Variants in PDSS2 observed in about 807,000 individuals in gnomAD.
The protein encoded by PDSS2 is decaprenyl diphosphate synthase subunit 2, also known as all trans-polyprenyl-diphosphate synthase PDSS2.
In PDSS2, 31 loss-of-function variants were observed where a neutral mutation model predicts 44.5. The ratio of observed to expected loss-of-function variants is 0.70; its 90% confidence interval spans 0.52 to 0.94. PDSS2 has a LOEUF of 0.94. PDSS2 is among the 40% of genes least tolerant of loss of function. PDSS2 has a pLI of 0.00. For missense variants in PDSS2, 452 were observed against 482.2 expected, an observed-to-expected ratio of 0.94 and a Z score of 0.59; for synonymous variants, 157 against 180.3, an observed-to-expected ratio of 0.87 and a Z score of 1.03.
At chr6:107,179,374 G>A (rs1424156853) in intron 7 of PDSS2, among the ~76,000 whole-genome samples, 2 of 151,860 alleles carry the variant, frequency 1.3e-5, no homozygotes, top group South Asian at 2.1e-4. Context: ...TCTGCCTCCC[G>A]GGTTCAAGCG....
intron 3 of PDSS2, among the ~76,000 whole-genome samples, chr6:107,255,437 T>C (rs570096085): frequency 1.6e-4 from 24 of 151,712 alleles, no homozygotes; most frequent in Non-Finnish European, 2.8e-4. Context: ...GGTGATCCAC[T>C]GGCCTCAGCC....
At chr6:107,213,379 G>A (rs1328573104) in intron 4 of PDSS2, among the ~76,000 whole-genome samples, 2 of 151,214 alleles carry the variant, frequency 1.3e-5, no homozygotes, top group Admixed American at 6.6e-5. Flanking sequence ...TGAACTCCTG[G>A]TCTCAGGTAA....
rs1336201108 is a variant in PDSS2 at position 107,154,553 on chromosome 6, G to A, written c.*66C>T. On this transcript the variant is annotated 3_prime_UTR_variant, in exon 8 of 8. Transcript: ENST00000369037. Reference sequence around the variant, plus strand: ...AAAGTCATTAACGCATCGTGAAAGCGCTCCCAATCAACCTCATTCCCTAGG... The same window carrying A: ...AAAGTCATTAACGCATCGTGAAAGCACTCCCAATCAACCTCATTCCCTAGG... 8.3e-6 allele frequency: 12 copies of A among 1,449,282 alleles called. No homozygotes were observed. The highest frequency in any genetic ancestry group is 4.2e-5 in the African/African-American group (3 of 71,698). 89.8% of individuals were successfully genotyped at this position (1,449,282 alleles called of 1,614,324 possible).
At chr6:107,338,275 TTTTCTCAGTGC>T (rs1412716390) in intron 1 of PDSS2, among the ~76,000 whole-genome samples, 11 of 152,204 alleles carry the variant, frequency 7.2e-5, no homozygotes, top group Admixed American at 5.9e-4. Context: ...CACTCTAATT[TTTTCTCAGTGC>T]TTCTCTTAAG....
intron 1 of PDSS2, among the ~76,000 whole-genome samples, chr6:107,337,830 C>A (rs1273500046): frequency 6.6e-6 from 1 of 152,124 alleles, no homozygotes; most frequent in East Asian, 1.9e-4. Flanking sequence ...ACCCCCTAAT[C>A]ATTATTATCA....
rs58991885 is a variant in PDSS2 at position 107,310,284 on chromosome 6, CAA to C, written c.431+23912_431+23913del. On this transcript the variant is annotated intron_variant, in intron 2 of 7. Coordinates refer to ENST00000369037, the MANE Select transcript of PDSS2 (RefSeq NM_020381.4). ...TGGGCGACAGAGCAAGACTCCATCC[CAA>C]AAAAAAAAAAAAAAAAAAAGAGAAA... Among the ~76,000 whole-genome samples, 98 of 90,242 alleles carry C rather than the reference CAA, an allele frequency of 1.1e-3. 1 individual carries two copies. The highest frequency in any genetic ancestry group is 1.8e-3 in the Admixed American group (14 of 7,914). 59.2% of individuals were successfully genotyped at this position (90,242 alleles called of 152,430 possible).
At chr6:107,285,412 A>C (rs1228917532) in intron 2 of PDSS2, among the ~76,000 whole-genome samples, 3 of 152,136 alleles carry the variant, frequency 2.0e-5, no homozygotes, top group Admixed American at 1.3e-4. Flanking sequence ...TGGGAGGCTG[A>C]GGCAGGAGGA....
chr6:107,370,379 C>G (rs1055999176), intron 1 of PDSS2, among the ~76,000 whole-genome samples: 1 of 152,078 alleles, frequency 6.6e-6, no homozygotes, highest in African/African-American at 2.4e-5. Context: ...AAAGTGATCC[C>G]AATTTGAAGA....
intron 7 of PDSS2, among the ~76,000 whole-genome samples, chr6:107,188,392 A>T (rs1038138386): frequency 2.0e-5 from 3 of 150,570 alleles, no homozygotes; most frequent in East Asian, 3.9e-4. Context: ...AAAAAAAAAA[A>T]TTTAAATTTA....
chr6:107,185,664 G>A (rs1435987943), intron 7 of PDSS2, among the ~76,000 whole-genome samples: 1 of 152,128 alleles, frequency 6.6e-6, no homozygotes, highest in Non-Finnish European at 1.5e-5. Flanking sequence ...CAACATATTC[G>A]TTTTCTTTTA....
At chr6:107,262,938 A>C (rs1372065789) in intron 3 of PDSS2, among the ~76,000 whole-genome samples, 5 of 152,096 alleles carry the variant, frequency 3.3e-5, no homozygotes, top group African/African-American at 9.6e-5. Context: ...TATTACAAAA[A>C]ATAAAGAAAT....
intron 1 of PDSS2, among the ~76,000 whole-genome samples, chr6:107,363,245 T>C (rs1174713402): frequency 2.0e-5 from 3 of 152,234 alleles, no homozygotes; most frequent in African/African-American, 7.2e-5. Flanking sequence ...AGACAAACTG[T>C]TGAAGGATAA....
At position 107,215,398 on chromosome 6, in the gene PDSS2, A is replaced by T. The variant is rs189785160; in HGVS notation, c.703-3116T>A. ...CGCAGTGAGAACCCTAACTCTAAAA[A>T]ATAAAAAAATAGCAACTGATGTGTA... On this transcript the variant is annotated intron_variant, in intron 4 of 7. Coordinates refer to ENST00000369037, the MANE Select transcript of PDSS2 (RefSeq NM_020381.4). Among the ~76,000 whole-genome samples, 115 of 152,286 alleles carry T rather than the reference A, an allele frequency of 7.6e-4. 2 individuals are homozygous for T. The East Asian group carries it at 0.017, about 23-fold the overall frequency.
intron 1 of PDSS2, among the ~76,000 whole-genome samples, chr6:107,363,136 G>C (rs1041352186): frequency 6.6e-5 from 10 of 152,150 alleles, no homozygotes; most frequent in African/African-American, 2.4e-4. Context: ...AATGGGCAAA[G>C]ACTTACCAAA....
intron 2 of PDSS2, among the ~76,000 whole-genome samples, chr6:107,291,145 T>C (rs1007008020): frequency 6.6e-6 from 1 of 152,152 alleles, no homozygotes; most frequent in Non-Finnish European, 1.5e-5. Flanking sequence ...TTTTTATAAG[T>C]AGACTTAAAG....
At chr6:107,279,567 G>T (rs759426568) in intron 2 of PDSS2, among the ~76,000 whole-genome samples, 2 of 152,114 alleles carry the variant, frequency 1.3e-5, no homozygotes, top group African/African-American at 4.8e-5. Context: ...AATCAGACCC[G>T]TGGTCTTCTT....
At chr6:107,191,947 T>C (rs1009394187) in intron 7 of PDSS2, among the ~76,000 whole-genome samples, 1 of 152,092 alleles carries the variant, frequency 6.6e-6, no homozygotes, top group Non-Finnish European at 1.5e-5. Flanking sequence ...GCTTCTCTGG[T>C]GTGGGATGCT....
intron 2 of PDSS2, among the ~76,000 whole-genome samples, chr6:107,330,210 G>A (rs1777670460): frequency 6.6e-6 from 1 of 152,060 alleles, no homozygotes; most frequent in East Asian, 1.9e-4. Flanking sequence ...ATCTGCTTAA[G>A]GAGTATTACA....
intron 6 of PDSS2, among the ~76,000 whole-genome samples, chr6:107,204,658 C>G (rs1169623957): frequency 6.6e-6 from 1 of 152,174 alleles, no homozygotes; most frequent in Non-Finnish European, 1.5e-5. Flanking sequence ...AGGACTATCT[C>G]ACATATTATT....
Sources: allele counts gnomAD v4.1 joint callset (sites outside exome capture counted in the v4.1 genomes callset), GRCh38; gene constraint gnomAD v4.1.1; transcripts MANE v1.5; gene names NCBI Gene and HGNC (gene_info 2026-07-23, HGNC 2026-07-21).